Variants in DOK2 observed in about 807,000 individuals in gnomAD.
The protein encoded by DOK2 is docking protein 2, 56kD.
DOK2 carries 28 observed loss-of-function variants against 26.0 expected under a neutral mutation model. That is an observed-to-expected ratio of 1.08 (90% confidence interval 0.80 to 1.48). The LOEUF (loss-of-function observed/expected upper bound fraction) is 1.48, where lower values mean the gene tolerates loss of function less well. Among genes scored for constraint, DOK2 ranks in the 40% most tolerant of loss-of-function variants. DOK2 has a pLI of 0.00. For missense variants in DOK2, 682 were observed against 558.2 expected (o/e 1.22, Z -2.23); for synonymous variants, 282 against 236.9 (o/e 1.19, Z -1.75).
Position 21,910,765 on chromosome 8 carries a change from C to G in DOK2, c.526G>C (p.Glu176Gln). 6.2e-7 allele frequency: 1 copy of G among 1,613,984 alleles called. No individual in the cohort carries two copies. The highest frequency in any genetic ancestry group is 1.1e-5 in the South Asian group (1 of 91,034). The change falls in exon 4 of 5, where the codon GAG (glutamate) becomes CAG (glutamine). Residue 176 changes from glutamate (E) to glutamine (Q), a missense_variant. Coordinates refer to ENST00000276420, the MANE Select transcript of DOK2 (RefSeq NM_003974.4). ...LRGSYTLRAGESALELWGGPE... is the reference protein window; with the variant it reads ...LRGSYTLRAGQSALELWGGPE... ...CCACCCCACAGCTCCAGGGCACTCT[C>G]CCCAGCCCGGAGGGTATAGGACCCC...
intron 4 of DOK2, 75 bp downstream of exon 4, chr8:21,910,598 C>G: frequency 6.4e-7 from 1 of 1,568,966 alleles, no homozygotes; most frequent in Middle Eastern, 1.7e-4. Flanking sequence ...CTCCCATCCC[C>G]TCGCTGCTTC....
In DOK2 at chr8:21,909,307, T is replaced by G; in HGVS notation, c.*4A>C. ...GGCGGTGGACCATCCCTCTGCTGCC[T>G]CTGTCACTTTGGGCCTTTCTTTAGT... is the stretch of plus-strand genomic sequence containing the variant. On this transcript the variant is annotated 3_prime_UTR_variant, in exon 5 of 5. Coordinates refer to ENST00000276420, the MANE Select transcript of DOK2 (RefSeq NM_003974.4). 6.6e-7 allele frequency: 1 copy of G among 1,524,794 alleles called. No individual in the cohort carries two copies. Among genetic ancestry groups the G allele is most frequent in the South Asian group, 1.3e-5 (1 of 76,180 alleles). The allele number at this position is 1,524,794 out of a possible 1,614,324, so 94.5% of individuals were successfully genotyped here. A position where few individuals can be genotyped will look rare whatever the true frequency, so the allele number is the denominator to read the frequency against.
rs1039489123 is a variant in DOK2, at chr8:21,913,528, C to G, written c.63+11G>C. The G allele has an allele frequency of 4.3e-6, 7 of 1,613,918 alleles. No individual in the cohort carries two copies. In the Admixed American group the frequency reaches 8.3e-5, roughly 19 times the overall value. On this transcript the variant is annotated intron_variant, in intron 1 of 4. Coordinates refer to ENST00000276420, the MANE Select transcript of DOK2 (RefSeq NM_003974.4). ...GCCCCCTGCCCAACCCCAGCCCAGCCTCACTCCTACCTTTCCAAACGTCTG... is the reference window on the plus strand; with the variant it reads ...GCCCCCTGCCCAACCCCAGCCCAGCGTCACTCCTACCTTTCCAAACGTCTG...
At position 21,908,971 on chromosome 8, in the gene DOK2, C is replaced by A; in HGVS notation, c.*340G>T. 1 of 205,342 alleles carries A rather than the reference C, an allele frequency of 4.9e-6. No individual in the cohort carries two copies. Among genetic ancestry groups the A allele is most frequent in the Non-Finnish European group, 9.8e-6 (1 of 102,546 alleles). The allele number at this position is 205,342 out of a possible 1,614,324, so 12.7% of individuals were successfully genotyped here. A position where few individuals can be genotyped will look rare whatever the true frequency, so the allele number is the denominator to read the frequency against. ...TGGGCCCAGGCTGTCCCTGAAGTGGCCATCAGCAGGCAGGAGGCTTGCATA... is the reference window on the plus strand; with the variant it reads ...TGGGCCCAGGCTGTCCCTGAAGTGGACATCAGCAGGCAGGAGGCTTGCATA... On this transcript the variant is annotated 3_prime_UTR_variant, in exon 5 of 5. Coordinates refer to ENST00000276420, the MANE Select transcript of DOK2 (RefSeq NM_003974.4).
At position 21,913,450 on chromosome 8, in the gene DOK2, G is replaced by C. The variant is rs539195356; in HGVS notation, c.63+89C>G. On this transcript the variant is annotated intron_variant, in intron 1 of 4. Coordinates refer to ENST00000276420, the MANE Select transcript of DOK2 (RefSeq NM_003974.4). ...GTGGGTGCACAGTCAGACCTATAAG[G>C]GTTTTGAATATGAAACTCCCTCTCC... The C allele has an allele frequency of 1.4e-5, 21 of 1,511,788 alleles. No individual in the cohort carries two copies. The East Asian group carries it at 1.8e-4, about 13-fold the overall frequency. The allele number at this position is 1,511,788 out of a possible 1,614,324, so 93.6% of individuals were successfully genotyped here.
At chr8:21,911,401 GT>G (rs775308153) in intron 3 of DOK2, among the ~76,000 whole-genome samples, 71 of 152,158 alleles carry the variant, frequency 4.7e-4, no homozygotes, top group Non-Finnish European at 7.1e-4. Flanking sequence ...GATGTCAGGA[GT>G]TTGAGACCAG....
rs11313762 is a variant in DOK2 at position 21,912,208 on chromosome 8, TC to T, written c.345+20del. 0.036 allele frequency: 55,659 copies of T among 1,536,354 alleles called. 1,270 individuals carry two copies. The highest frequency in any genetic ancestry group is 0.042 in the Non-Finnish European group (48,429 of 1,144,620). ...TCGGCCTGCACGCCCCCTTGCCCTTTCCGCACCCCGCGCGACTCACGGGGAA... is the reference window on the plus strand; with the variant it reads ...TCGGCCTGCACGCCCCCTTGCCCTTTCGCACCCCGCGCGACTCACGGGGAA... On this transcript the variant is annotated intron_variant, in intron 2 of 4. Transcript: ENST00000276420.
chr8:21,912,586 G>A lies in DOK2; in HGVS notation c.64-76C>T, dbSNP rs910388186. On this transcript the variant is annotated intron_variant, in intron 1 of 4. Coordinates refer to ENST00000276420, the MANE Select transcript of DOK2 (RefSeq NM_003974.4). ...GGGAGATCGTGAGCCAAGGGGAGAA[G>A]AGGAACCGTGGGAGGGGGACTGGGG... 8 of 1,414,020 alleles carry A rather than the reference G, an allele frequency of 5.7e-6. No homozygotes were observed. In the Admixed American group the frequency reaches 1.1e-4, roughly 20 times the overall value. The allele number at this position is 1,414,020 out of a possible 1,614,324, so 87.6% of individuals were successfully genotyped here.
Position 21,909,948 on chromosome 8 carries a change from G to A in DOK2, c.619-17C>T. The A allele has an allele frequency of 1.3e-6, 2 of 1,598,408 alleles. No homozygotes were observed. Among genetic ancestry groups the A allele is most frequent in the Non-Finnish European group, 1.7e-6 (2 of 1,175,024 alleles). ...AAAGGTTACCTGGACCAGGGAGAAAGCAGGTTATTGGCCAGGCCACAGGGC... is the reference window on the plus strand; with the variant it reads ...AAAGGTTACCTGGACCAGGGAGAAAACAGGTTATTGGCCAGGCCACAGGGC... On this transcript the variant is annotated splice_polypyrimidine_tract_variant and intron_variant, in intron 4 of 4. Transcript: ENST00000276420.
At chr8:21,913,228 G>A (rs1296504810) in intron 1 of DOK2, among the ~76,000 whole-genome samples, 1 of 152,192 alleles carries the variant, frequency 6.6e-6, no homozygotes, top group African/African-American at 2.4e-5. Flanking sequence ...CCCTTCCAAG[G>A]TGTCCGGTGA....
intron 4 of DOK2, among the ~76,000 whole-genome samples, 192 bp downstream of exon 4, chr8:21,910,481 T>A (rs1019487244): frequency 2.6e-4 from 40 of 152,268 alleles, no homozygotes; most frequent in African/African-American, 8.7e-4. Context: ...AGACGCTGTT[T>A]ACCCCTCTAC....
In DOK2 at chr8:21,909,688, G is replaced by A. The variant is rs1809751123; in HGVS notation, c.862C>T (p.Pro288Ser). Residue 288 changes from proline to serine, a missense_variant, in exon 5 of 5, where the codon CCT becomes TCT. Pro to Ser is a moderately conservative substitution (Grantham distance 74, BLOSUM62 -1). Transcript: ENST00000276420. ...LPPPSPTTPV[P>S]APRPRGQEGE... ...TCCTGGCCCCGAGGCCGTGGAGCAG[G>A]CACCGGTGTGGTGGGTGAAGGCGGC... The A allele has an allele frequency of 6.2e-7, 1 of 1,613,124 alleles. No homozygotes were observed. Among genetic ancestry groups the A allele is most frequent in the South Asian group, 1.1e-5 (1 of 91,078 alleles).
chr8:21,912,186 G>T, intron 2 of DOK2, 43 bp downstream of exon 2: 1 of 1,505,700 alleles, frequency 6.6e-7, no homozygotes, highest in Admixed American at 2.1e-5. Context: ...AACACCCTCG[G>T]CCTGCACGCC....
At position 21,908,929 on chromosome 8, in the gene DOK2, C is replaced by T. The variant is rs890782145; in HGVS notation, c.*382G>A. The T allele has an allele frequency of 5.7e-6, 1 of 176,330 alleles. No individual in the cohort carries two copies. The highest frequency in any genetic ancestry group is 2.4e-5 in the African/African-American group (1 of 42,326). 10.9% of individuals were successfully genotyped at this position (176,330 alleles called of 1,614,324 possible). A position where few individuals can be genotyped will look rare whatever the true frequency, so the allele number is the denominator to read the frequency against. ...ATCTGAAAGGTGCAGGAAGCTGCCG[C>T]CATCCCCCTGGGTGCCTGGGCCCAG... On this transcript the variant is annotated 3_prime_UTR_variant, in exon 5 of 5. Coordinates refer to ENST00000276420, the MANE Select transcript of DOK2 (RefSeq NM_003974.4).
rs183103091 is a variant in DOK2, at chr8:21,909,835, C to A, written c.715G>T (p.Glu239Ter). The change falls in exon 5 of 5, where the codon GAA becomes TAA. Residue 239 changes from glutamate to a stop codon, truncating the protein, a stop_gained. Transcript: ENST00000276420. LOFTEE classifies it low-confidence loss of function (END_TRUNC). ...TTCTTCTGGGCAGAGATGGCCTCTTCCAGGGCCAAGAAGATCTCATTGCCT... is the reference window on the plus strand; with the variant it reads ...TTCTTCTGGGCAGAGATGGCCTCTTACAGGGCCAAGAAGATCTCATTGCCT... ...RQGNEIFLALEEAISAQKNAA... is the reference protein window; with the variant it reads ...RQGNEIFLAL 3 of 1,613,972 alleles carry A rather than the reference C, an allele frequency of 1.9e-6. No homozygotes were observed. In the East Asian group the frequency reaches 6.7e-5, roughly 36 times the overall value.
In DOK2 at chr8:21,912,491, G is replaced by A. The variant is rs771734200; in HGVS notation, c.83C>T (p.Ala28Val). The A allele has an allele frequency of 3.9e-6, 6 of 1,529,374 alleles. No individual in the cohort carries two copies. Among genetic ancestry groups the A allele is most frequent in the Non-Finnish European group, 5.3e-6 (6 of 1,139,796 alleles). 94.7% of individuals were successfully genotyped at this position (1,529,374 alleles called of 1,614,324 possible). A position where few individuals can be genotyped will look rare whatever the true frequency, so the allele number is the denominator to read the frequency against. ...GCAGTCCGACCCTCCATACAGTGAG[G>A]CGCCGAAGCGGCGCCATTTCTGTGC... ...TFGKKWRRFG[A>V]SLYGGSDCAL... The change falls in exon 2 of 5, where the codon GCC (alanine) becomes GTC (valine). Residue 28 changes from alanine (A) to valine (V), a missense_variant. Transcript: ENST00000276420.
In DOK2 at chr8:21,910,724, G is replaced by C. The variant is rs761651238; in HGVS notation, c.567C>G (p.Thr189=). ...ACCTGTAGGGCCAGTCGTACAGCTG[G>C]GTCCCTGGCTCGGGCCCACCCCACA... ...LELWGGPEPG[T]QLYDWPYRFL... The change falls in exon 4 of 5, where the codon ACC becomes ACG. Residue 189 remains threonine (T), a synonymous_variant. Transcript: ENST00000276420. The C allele has an allele frequency of 6.2e-7, 1 of 1,614,054 alleles. No individual in the cohort carries two copies. Among genetic ancestry groups the C allele is most frequent in the Non-Finnish European group, 8.5e-7 (1 of 1,180,026 alleles).
intron 3 of DOK2, among the ~76,000 whole-genome samples, chr8:21,911,660 C>T (rs1164485462): frequency 6.6e-6 from 1 of 152,120 alleles, no homozygotes; most frequent in African/African-American, 2.4e-5. Context: ...TTCCCCTCTC[C>T]CACCAGCAGG....
intron 4 of DOK2, 50 bp from the exon 5 acceptor site, chr8:21,909,981 C>T: frequency 2.1e-6 from 3 of 1,460,532 alleles, no homozygotes; most frequent in African/African-American, 2.9e-5. Flanking sequence ...GGCAGGGGTG[C>T]ATTTTTTTTT....
Sources: gnomAD v4.1 joint callset for allele counts (sites outside exome capture counted in the v4.1 genomes callset) on GRCh38, gnomAD v4.1.1 for gene constraint, MANE v1.5 for transcripts, NCBI Gene and HGNC (gene_info 2026-07-23, HGNC 2026-07-21) for gene names.